CSGALNACT1: variants seen among roughly 807,000 people sequenced by gnomAD.
CSGALNACT1 encodes beta4GalNAcT-1.
A neutral mutation model predicts 51.0 loss-of-function variants in CSGALNACT1; 52 were observed. The observed-to-expected ratio is 1.02, with a 90% confidence interval of 0.82 to 1.29. The LOEUF (loss-of-function observed/expected upper bound fraction) is 1.29. Among genes scored for constraint, CSGALNACT1 ranks in the 50% most tolerant of loss-of-function variants. CSGALNACT1 has a pLI of 0.00. For synonymous variants in CSGALNACT1, 341 were observed against 254.4 expected (o/e 1.34, Z -3.24); for missense variants, 935 against 679.2 (o/e 1.38, Z -4.19).
chr8:19,440,811 A>G (rs1563408628), intron 5 of CSGALNACT1, among the ~76,000 whole-genome samples: 2 of 152,138 alleles, frequency 1.3e-5, no homozygotes, highest in Non-Finnish European at 2.9e-5. Flanking sequence ...TTGTATATCT[A>G]GAAAACCCCA....
chr8:19,659,941 A>G (rs996239217), intron 1 of CSGALNACT1, among the ~76,000 whole-genome samples: 3 of 152,214 alleles, frequency 2.0e-5, no homozygotes, highest in African/African-American at 7.2e-5. Context: ...TTTACCGAAT[A>G]CTTATTATAT....
chr8:19,674,272 C>T (rs2060005002), intron 1 of CSGALNACT1, among the ~76,000 whole-genome samples: 1 of 151,654 alleles, frequency 6.6e-6, no homozygotes, highest in African/African-American at 2.4e-5. Context: ...CAGCCTGGGT[C>T]ACAAAGTGTG....
At chr8:19,747,101 C>T (rs2064720198) in intron 1 of CSGALNACT1, among the ~76,000 whole-genome samples, 1 of 152,214 alleles carries the variant, frequency 6.6e-6, no homozygotes, top group Admixed American at 6.5e-5. Context: ...TCCCATCCCA[C>T]CTTGGTGAAA....
intron 6 of CSGALNACT1, among the ~76,000 whole-genome samples, chr8:19,434,083 T>G (rs1419137105): frequency 6.6e-6 from 1 of 152,182 alleles, no homozygotes; most frequent in Non-Finnish European, 1.5e-5. Flanking sequence ...GGATAAATGC[T>G]CTCCAGATTG....
upstream of CSGALNACT1, chr8:19,682,803 G>C: frequency 2.2e-6 from 1 of 452,328 alleles, no homozygotes; most frequent in Non-Finnish European, 4.4e-6. Context: ...AGCCTTTCCG[G>C]CCAGCACAGA....
chr8:19,453,418 G>A (rs780575666), intron 5 of CSGALNACT1, among the ~76,000 whole-genome samples: 8 of 152,088 alleles, frequency 5.3e-5, no homozygotes, highest in Non-Finnish European at 1.2e-4. Flanking sequence ...TTAAGTAAAA[G>A]CAGATAAAAG....
intron 1 of CSGALNACT1, among the ~76,000 whole-genome samples, chr8:19,723,890 A>T (rs943285980): frequency 6.6e-6 from 1 of 152,222 alleles, no homozygotes; most frequent in African/African-American, 2.4e-5. Context: ...TTCCCTGCTT[A>T]ACCAAAGGGT....
At chr8:19,444,069 G>C (rs1445068115) in intron 5 of CSGALNACT1, among the ~76,000 whole-genome samples, 1 of 152,160 alleles carries the variant, frequency 6.6e-6, no homozygotes, top group Non-Finnish European at 1.5e-5. Context: ...AGGTGGTAAT[G>C]CTCACTTACC....
At chr8:19,437,468 G>A (rs1156492607) in intron 6 of CSGALNACT1, among the ~76,000 whole-genome samples, 4 of 152,116 alleles carry the variant, frequency 2.6e-5, no homozygotes, top group African/African-American at 9.7e-5. Context: ...GTCAACTCAG[G>A]CTGGCTGCAG....
Position 19,757,520 on chromosome 8 carries a change from G to A in CSGALNACT1, c.-297+330C>T, listed in dbSNP as rs957151616. Among the ~76,000 whole-genome samples, 2 of 152,126 alleles carry A rather than the reference G, an allele frequency of 1.3e-5. No individual in the cohort carries two copies. The highest frequency in any genetic ancestry group is 2.9e-5 in the Non-Finnish European group (2 of 68,008). On this transcript the variant is annotated intron_variant, in intron 1 of 1. Transcript: ENST00000517494. The surrounding 1 kb of genome is among the most constrained non-coding windows in gnomAD (Gnocchi z 4.0). ...CGGAGCGGCGCCCTGGCCGAAGCCT[G>A]TCACTCTCGGAAGGGGCCGCGCTCG...
chr8:19,661,677 G>T (rs1386521761), intron 1 of CSGALNACT1, among the ~76,000 whole-genome samples: 1 of 152,104 alleles, frequency 6.6e-6, no homozygotes, highest in East Asian at 1.9e-4. Flanking sequence ...TATGACAATG[G>T]GACAAGCACA....
chr8:19,563,444 T>C (rs1032655519), intron 3 of CSGALNACT1, among the ~76,000 whole-genome samples: 7 of 152,088 alleles, frequency 4.6e-5, no homozygotes, highest in East Asian at 1.9e-4. Context: ...ATTTTTTAAA[T>C]AGAAAAATAT....
At chr8:19,729,342 A>G (rs1257281228) in intron 1 of CSGALNACT1, among the ~76,000 whole-genome samples, 2 of 152,228 alleles carry the variant, frequency 1.3e-5, no homozygotes, top group African/African-American at 2.4e-5. Context: ...CAGTGCTCAC[A>G]TGCAAACTAG....
At chr8:19,458,785 C>T (rs1443748532) in intron 4 of CSGALNACT1, 143 bp from the exon 4 acceptor site, 5 of 801,268 alleles carry the variant, frequency 6.2e-6, no homozygotes, top group Admixed American at 2.5e-5. Flanking sequence ...ATTCAAAATG[C>T]TCCCAATTAA....
At chr8:19,593,551 C>T (rs1337994711) in intron 2 of CSGALNACT1, among the ~76,000 whole-genome samples, 1 of 152,220 alleles carries the variant, frequency 6.6e-6, no homozygotes, top group Non-Finnish European at 1.5e-5. Flanking sequence ...CTAGATGACC[C>T]TTTGCATGCT....
Position 19,446,310 on chromosome 8 carries a change from C to T in CSGALNACT1, c.852-6379G>A, listed in dbSNP as rs183571448. Reference sequence around the variant, plus strand: ...TACCTGGGTCCCTTGGGCTGACTTACTTGCCTCTGATAGCACTTCTCTATA... The same window carrying T: ...TACCTGGGTCCCTTGGGCTGACTTATTTGCCTCTGATAGCACTTCTCTATA... On this transcript the variant is annotated intron_variant, in intron 5 of 9. Coordinates refer to ENST00000454498, the Ensembl canonical transcript of CSGALNACT1. Among the ~76,000 whole-genome samples the T allele has an allele frequency of 2.4e-4, 37 of 152,314 alleles. No homozygotes were observed. In the Middle Eastern group the frequency reaches 0.017, roughly 70 times the overall value.
intron 3 of CSGALNACT1, among the ~76,000 whole-genome samples, chr8:19,583,354 A>G (rs1480108442): frequency 3.3e-5 from 5 of 152,166 alleles, no homozygotes; most frequent in Non-Finnish European, 7.4e-5. Flanking sequence ...AGCCCTCAGA[A>G]GTTCCTTTGG....
chr8:19,434,186 G>T (rs1448987776), intron 6 of CSGALNACT1, among the ~76,000 whole-genome samples: 1 of 152,176 alleles, frequency 6.6e-6, no homozygotes, highest in East Asian at 1.9e-4. Context: ...AGTGTTTGCA[G>T]AGGCCTTTAC....
At chr8:19,543,980 T>C (rs558198003) in intron 3 of CSGALNACT1, among the ~76,000 whole-genome samples, 1 of 152,336 alleles carries the variant, frequency 6.6e-6, no homozygotes, top group African/African-American at 2.4e-5. Flanking sequence ...CTTAGAGTTT[T>C]AGGAGAGAGA....
Sources: gnomAD v4.1 joint callset for allele counts (sites outside exome capture counted in the v4.1 genomes callset) on GRCh38, gnomAD v4.1.1 for gene constraint, Gnocchi (gnomAD v3.1) non-coding constraint, MANE v1.5 for transcripts, NCBI Gene and HGNC (gene_info 2026-07-23, HGNC 2026-07-21) for gene names.